Variants in TRMT10B observed in about 807,000 individuals in gnomAD.
TRMT10B encodes tRNA methyltransferase 10 homolog B.
Under a neutral mutation model 43.8 loss-of-function variants are expected in TRMT10B, and 33 were observed. That is an observed-to-expected ratio of 0.75 (90% confidence interval 0.57 to 1.01). The LOEUF is 1.01. Ranked by LOEUF, TRMT10B falls within the 50% of genes least tolerant of loss-of-function variation. The pLI, the probability that TRMT10B is intolerant of heterozygous loss-of-function variation, is 0.00. For synonymous variants in TRMT10B, 137 were observed against 130.6 expected (o/e 1.05, Z -0.34); for missense variants, 362 against 369.8 (o/e 0.98, Z 0.17).
intron 7 of TRMT10B, among the ~76,000 whole-genome samples, chr9:37,775,093 T>G (rs891560540): frequency 7.2e-5 from 11 of 152,168 alleles, no homozygotes; most frequent in African/African-American, 2.7e-4. Flanking sequence ...GAAAACAGAA[T>G]TTTGCTCAAG....
chr9:37,773,498 G>T (rs1193341057), intron 7 of TRMT10B, among the ~76,000 whole-genome samples: 1 of 152,144 alleles, frequency 6.6e-6, no homozygotes, highest in Non-Finnish European at 1.5e-5. Context: ...AATGAATATT[G>T]ATTGTATTAT....
chr9:37,757,345 C>T (rs1342659857), intron 1 of TRMT10B, among the ~76,000 whole-genome samples: 7 of 152,080 alleles, frequency 4.6e-5, no homozygotes, highest in Admixed American at 2.0e-4. Context: ...CAAAGTGCTG[C>T]GATTACAGGC....
rs747893643 is a variant in TRMT10B, at chr9:37,763,143, C to CAAAAAAA, written c.296-470_296-464dup. On this transcript the variant is annotated intron_variant, in intron 3 of 8. Coordinates refer to ENST00000297994, the MANE Select transcript of TRMT10B (RefSeq NM_144964.4). ...TGGGTGACAGAGTGAGACTCTGTCT[C>CAAAAAAA]AAAAAAAAAAAAAAAAAAAAAACAA... Among the ~76,000 whole-genome samples, 375 of 49,572 alleles carry CAAAAAAA rather than the reference C, an allele frequency of 7.6e-3. 9 individuals carry two copies. Among genetic ancestry groups the CAAAAAAA allele is most frequent in the Middle Eastern group, 0.029 (3 of 104 alleles). The allele number at this position is 49,572 out of a possible 152,430, so 32.5% of individuals were successfully genotyped here.
Position 37,762,010 on chromosome 9 carries a change from A to T in TRMT10B, c.79A>T (p.Thr27Ser). ...LQGQEGILEETGEDGLPEGFQ... is the reference protein window; with the variant it reads ...LQGQEGILEESGEDGLPEGFQ... ...GGGGCAAGAAGGCATCCTAGAGGAG[A>T]CAGGTGAAGATGGACTTCCTGAAGG... Residue 27 changes from threonine to serine, a missense_variant, in exon 2 of 9, where the codon ACA becomes TCA. By Grantham distance (58) the Thr-to-Ser change is moderately conservative (BLOSUM62 1). Coordinates refer to ENST00000297994, the MANE Select transcript of TRMT10B (RefSeq NM_144964.4). 6.2e-7 allele frequency: 1 copy of T among 1,614,084 alleles called. No individual in the cohort carries two copies. Among genetic ancestry groups the T allele is most frequent in the South Asian group, 1.1e-5 (1 of 91,060 alleles).
intron 5 of TRMT10B, chr9:37,769,703 T>A: frequency 2.5e-6 from 1 of 399,982 alleles, no homozygotes; most frequent in Non-Finnish European, 4.7e-6. Flanking sequence ...GCTCAAGCCA[T>A]CCTGCCACCT....
At chr9:37,765,295 G>A (rs962200588) in intron 4 of TRMT10B, among the ~76,000 whole-genome samples, 8 of 151,726 alleles carry the variant, frequency 5.3e-5, no homozygotes, top group Non-Finnish European at 1.0e-4. Context: ...TCCCCTTCCC[G>A]TGTCCATGTG....
In TRMT10B at chr9:37,768,099, G is replaced by C; in HGVS notation, c.444G>C (p.Gln148His). The change falls in exon 5 of 9, where the codon CAG (glutamine) becomes CAC (histidine). Residue 148 changes from glutamine to histidine, a missense_variant. By Grantham distance (24) the Gln-to-His change is conservative. Coordinates refer to ENST00000297994, the MANE Select transcript of TRMT10B (RefSeq NM_144964.4). Reference sequence around the variant, plus strand: ...AGGAATTAAGTAGACTGGCTGGACAGATTCGAAGGTTGTATGGTTCAAACA... The same window carrying C: ...AGGAATTAAGTAGACTGGCTGGACACATTCGAAGGTTGTATGGTTCAAACA... The part of the protein sequence containing the change: ...SKKELSRLAG[Q>H]IRRLYGSNKK... The C allele has an allele frequency of 1.2e-6, 2 of 1,614,118 alleles. No homozygotes were observed. Among genetic ancestry groups the C allele is most frequent in the Non-Finnish European group, 1.7e-6 (2 of 1,179,994 alleles).
chr9:37,759,842 G>A (rs1301033573), intron 1 of TRMT10B, among the ~76,000 whole-genome samples: 1 of 152,120 alleles, frequency 6.6e-6, no homozygotes, highest in Non-Finnish European at 1.5e-5. Context: ...CTGCGGTGAT[G>A]GAAACGTTCC....
At chr9:37,763,143 C>CAAAAAA (rs747893643) in intron 3 of TRMT10B, among the ~76,000 whole-genome samples, 31 of 50,132 alleles carry the variant, frequency 6.2e-4, no homozygotes, top group East Asian at 2.4e-3. Flanking sequence ...GACTCTGTCT[C>CAAAAAA]AAAAAAAAAA....
At chr9:37,762,457 T>G in intron 2 of TRMT10B, 120 bp from the exon 3 acceptor site, 1 of 1,398,442 alleles carries the variant, frequency 7.2e-7, no homozygotes. Context: ...TAAGAGTAAT[T>G]TCCTCTTTCT....
chr9:37,770,723 A>G lies in TRMT10B; in HGVS notation c.704A>G (p.Asp235Gly). The G allele has an allele frequency of 6.2e-7, 1 of 1,613,926 alleles. No individual in the cohort carries two copies. The highest frequency in any genetic ancestry group is 1.7e-5 in the Admixed American group (1 of 59,992). The change falls in exon 7 of 9, where the codon GAT (aspartate) becomes GGT (glycine). Residue 235 changes from aspartate to glycine, a missense_variant. Transcript: ENST00000297994. ...NKVYILGGLV[D>G]ESIQKKVTFQ... is the part of the protein sequence containing the mutation. ...GTTTACATCCTCGGTGGGCTTGTGG[A>G]TGAAAGCATTCAGAAGGTAAGTATA...
Position 37,763,757 on chromosome 9 carries a change from G to C in TRMT10B, c.420+4G>C, listed in dbSNP as rs760635574. On this transcript the variant is annotated splice_donor_region_variant and intron_variant, in intron 4 of 8. Coordinates refer to ENST00000297994, the MANE Select transcript of TRMT10B (RefSeq NM_144964.4). ...GACCCACTACATGTCAAAGAAGGTA[G>C]AACATCCACTAAGCCTGGAATTCCT... The C allele has an allele frequency of 2.5e-6, 4 of 1,613,784 alleles. No homozygotes were observed. The highest frequency in any genetic ancestry group is 3.4e-6 in the Non-Finnish European group (4 of 1,179,878).
At chr9:37,775,261 C>T (rs1828015449) in intron 7 of TRMT10B, among the ~76,000 whole-genome samples, 1 of 152,216 alleles carries the variant, frequency 6.6e-6, no homozygotes, top group South Asian at 2.1e-4. Context: ...TAGAGTGATA[C>T]AGTTAACACT....
intron 1 of TRMT10B, among the ~76,000 whole-genome samples, chr9:37,761,516 T>G (rs1381561121): frequency 6.6e-6 from 1 of 152,122 alleles, no homozygotes; most frequent in Admixed American, 6.5e-5. Flanking sequence ...CTGGCCAACA[T>G]GGTGAAACCC....
intron 7 of TRMT10B, among the ~76,000 whole-genome samples, chr9:37,771,404 T>C (rs1156729019): frequency 1.3e-5 from 2 of 152,216 alleles, no homozygotes; most frequent in African/African-American, 2.4e-5. Flanking sequence ...AGACATTATA[T>C]GATCACAAAG....
intron 1 of TRMT10B, among the ~76,000 whole-genome samples, chr9:37,756,805 TATATGTGTGC>T (rs945783757): frequency 4.2e-5 from 6 of 143,612 alleles, no homozygotes; most frequent in East Asian, 2.0e-4. Flanking sequence ...TGTATGTGTA[TATATGTGTGC>T]ATATGTGTGT....
At chr9:37,774,837 T>C (rs1303402371) in intron 7 of TRMT10B, among the ~76,000 whole-genome samples, 2 of 152,214 alleles carry the variant, frequency 1.3e-5, no homozygotes, top group Non-Finnish European at 2.9e-5. Flanking sequence ...CAGTCAGTTA[T>C]GGGACCGTAA....
At chr9:37,770,134 A>C in intron 6 of TRMT10B, 115 bp downstream of exon 6, 7 of 893,946 alleles carry the variant, frequency 7.8e-6, no homozygotes, top group South Asian at 1.3e-5. Flanking sequence ...CCCCCACAAA[A>C]AGTAATGCAC....
chr9:37,765,864 T>C (rs1318699941), intron 4 of TRMT10B, among the ~76,000 whole-genome samples: 1 of 152,238 alleles, frequency 6.6e-6, no homozygotes, highest in Non-Finnish European at 1.5e-5. Flanking sequence ...TTCATGTGTT[T>C]TTTGGCTGCA....
Sources: gnomAD v4.1 joint callset for allele counts (sites outside exome capture counted in the v4.1 genomes callset) on GRCh38, gnomAD v4.1.1 for gene constraint, MANE v1.5 for transcripts, NCBI Gene and HGNC (gene_info 2026-07-23, HGNC 2026-07-21) for gene names.